The following TRAK1 variants were observed in gnomAD, a reference collection of about 807,000 sequenced individuals.
TRAK1 encodes the protein trafficking kinesin-binding protein 1.
Under a neutral mutation model 92.1 loss-of-function variants are expected in TRAK1, and 33 were observed. That is an observed-to-expected ratio of 0.36 (90% CI 0.27 to 0.48). TRAK1 has a LOEUF of 0.48. Among genes scored for constraint, TRAK1 ranks in the 20% least tolerant of loss-of-function variants. TRAK1 has a pLI of 0.99. For missense variants in TRAK1, 1,123 were observed against 1,257.9 expected (o/e 0.89, Z 1.62); for synonymous variants, 521 against 517.3 (o/e 1.01, Z -0.10).
intron 7 of TRAK1, among the ~76,000 whole-genome samples, chr3:42,192,555 G>T (rs1423012103): frequency 1.3e-5 from 2 of 152,056 alleles, no homozygotes; most frequent in Non-Finnish European, 2.9e-5. Flanking sequence ...AAATAATGAT[G>T]AAACACACCT....
Position 42,223,071 on chromosome 3 carries a change from C to T in TRAK1, c.2196C>T (p.Thr732=). The T allele has an allele frequency of 6.2e-7, 1 of 1,614,132 alleles. No homozygotes were observed. The highest frequency in any genetic ancestry group is 8.5e-7 in the Non-Finnish European group (1 of 1,180,018). ...TCACTAACACCCGTGAGTCCACGAC[C>T]ACCATGAGCACATCCCTGGGGCTCG... is the stretch of plus-strand genomic sequence containing the variant. The part of the protein sequence containing the change: ...ESFTNTREST[T]TMSTSLGLVW... Residue 732 remains threonine (T), a synonymous_variant, in exon 16 of 16, where the codon ACC becomes ACT. Coordinates refer to ENST00000327628, the MANE Select transcript of TRAK1 (RefSeq NM_001042646.3). The surrounding 1 kb of genome is among the most constrained non-coding windows in gnomAD (Gnocchi z 6.1).
At chr3:42,052,182 G>A (rs941449287) in intron 1 of TRAK1, among the ~76,000 whole-genome samples, 3 of 152,238 alleles carry the variant, frequency 2.0e-5, no homozygotes, top group Non-Finnish European at 4.4e-5. Flanking sequence ...AGTCCATTGT[G>A]TCATATCTTA....
At chr3:42,100,204 A>C (rs1285669854) in intron 1 of TRAK1, among the ~76,000 whole-genome samples, 1 of 152,100 alleles carries the variant, frequency 6.6e-6, no homozygotes, top group Non-Finnish European at 1.5e-5. Context: ...CCATCTCTAC[A>C]AAAAATACAA....
chr3:42,153,109 A>G (rs66584841), intron 2 of TRAK1, among the ~76,000 whole-genome samples: 15,639 of 152,236 alleles, frequency 0.1, 1,040 homozygotes, highest in Non-Finnish European at 0.15. Context: ...AATCTTTGAA[A>G]AGGCTAATGG....
At chr3:42,209,373 G>A (rs1708700942) in intron 13 of TRAK1, among the ~76,000 whole-genome samples, 2 of 152,086 alleles carry the variant, frequency 1.3e-5, no homozygotes, top group Admixed American at 1.3e-4. Flanking sequence ...CGTACATGTG[G>A]CCCCGCTTTT....
chr3:42,089,676 C>CCG (rs1553711837), upstream of TRAK1, among the ~76,000 whole-genome samples: 10 of 30,578 alleles, frequency 3.3e-4, 1 homozygote, highest in South Asian at 1.7e-3. Flanking sequence ...CTTTTTGTGA[C>CCG]CCCCCCCCAA....
In TRAK1 at chr3:42,057,440, G is replaced by A. The variant is rs148844295; in HGVS notation, c.-518-29664G>A. Among the ~76,000 whole-genome samples the A allele has an allele frequency of 2.5e-3, 387 of 152,260 alleles. 1 individual carries two copies. Among genetic ancestry groups the A allele is most frequent in the African/African-American group, 8.8e-3 (365 of 41,552 alleles). On this transcript the variant is annotated intron_variant, in intron 1 of 16. Transcript: ENST00000487159. ...CTTTCTTCTTTCCTAATAGAATCCA[G>A]ATTTCATTCCATTCTTAAGCCTCCT... is the stretch of plus-strand genomic sequence containing the variant.
intron 1 of TRAK1, among the ~76,000 whole-genome samples, chr3:42,067,906 T>A (rs940687797): frequency 7.2e-5 from 11 of 152,054 alleles, no homozygotes; most frequent in African/African-American, 2.4e-4. Flanking sequence ...GCGCAGTGGG[T>A]CACTCCTGTA....
At chr3:42,138,875 G>GC (rs11386056) in intron 2 of TRAK1, among the ~76,000 whole-genome samples, 1 of 101,436 alleles carries the variant, frequency 9.9e-6, no homozygotes, top group Non-Finnish European at 1.8e-5. Context: ...AAAGCATAGG[G>GC]GGTGTGTGTG....
chr3:42,104,949 CTTT>C (rs34326359), intron 1 of TRAK1, among the ~76,000 whole-genome samples: 486 of 130,746 alleles, frequency 3.7e-3, no homozygotes, highest in African/African-American at 6.3e-3. Context: ...AGCTAAAAAT[CTTT>C]TTTTTTTTTT....
intron 1 of TRAK1, among the ~76,000 whole-genome samples, chr3:42,076,979 C>T (rs1704189891): frequency 6.6e-6 from 1 of 152,134 alleles, no homozygotes; most frequent in Non-Finnish European, 1.5e-5. Flanking sequence ...TAACCTGTTC[C>T]ATTGATTTAT....
At chr3:42,014,056 C>T (rs1308684810) in exon 1 of TRAK1, 1 of 148,862 alleles carries the variant, frequency 6.7e-6, no homozygotes, top group Non-Finnish European at 1.5e-5. Context: ...CGGAGGAAGC[C>T]CCCACCGAGG....
At chr3:42,081,179 G>C (rs999060704) in intron 1 of TRAK1, among the ~76,000 whole-genome samples, 1 of 152,124 alleles carries the variant, frequency 6.6e-6, no homozygotes, top group African/African-American at 2.4e-5. Flanking sequence ...CCTGGCCACT[G>C]TGAGCCACAT....
At chr3:42,199,281 G>C in intron 11 of TRAK1, 28 bp downstream of exon 11, 9 of 1,612,500 alleles carry the variant, frequency 5.6e-6, no homozygotes, top group Non-Finnish European at 7.6e-6. Context: ...ACAGTTTTGA[G>C]ATTCCCAGAG....
chr3:42,108,047 T>A (rs970510468), intron 1 of TRAK1, among the ~76,000 whole-genome samples: 1 of 152,070 alleles, frequency 6.6e-6, no homozygotes, highest in Admixed American at 6.6e-5. Flanking sequence ...TTTTATCTCA[T>A]TGGCCAACAC....
At chr3:42,017,344 A>G (rs924126455) in intron 1 of TRAK1, among the ~76,000 whole-genome samples, 8 of 152,226 alleles carry the variant, frequency 5.3e-5, no homozygotes, top group African/African-American at 1.7e-4. Context: ...TTTGTAGGGA[A>G]AGACAAGAGG....
intron 4 of TRAK1, among the ~76,000 whole-genome samples, chr3:42,186,566 A>G (rs572307766): frequency 6.6e-6 from 1 of 152,226 alleles, no homozygotes; most frequent in Non-Finnish European, 1.5e-5. Context: ...ATTCCCTCTC[A>G]TGTGACTGGT....
Position 42,067,518 on chromosome 3 carries a change from G to A in TRAK1, c.-518-19586G>A, listed in dbSNP as rs150915837. On this transcript the variant is annotated intron_variant, in intron 1 of 16. Transcript: ENST00000487159. ...TCAGTGCACATTGAGAAGCTAATAT[G>A]GAAATAGAAATGAAACTTTTCAAAA... is the stretch of plus-strand genomic sequence containing the variant. Among the ~76,000 whole-genome samples the A allele has an allele frequency of 2.5e-3, 377 of 152,130 alleles. 3 individuals carry two copies. Among genetic ancestry groups the A allele is most frequent in the African/African-American group, 8.6e-3 (356 of 41,508 alleles).
intron 14 of TRAK1, among the ~76,000 whole-genome samples, chr3:42,212,996 C>T (rs1393423283): frequency 6.6e-6 from 1 of 151,298 alleles, no homozygotes; most frequent in African/African-American, 2.4e-5. Flanking sequence ...ATCATGGCAT[C>T]TTGACATCTT....
Sources: allele counts gnomAD v4.1 joint callset (sites outside exome capture counted in the v4.1 genomes callset), GRCh38; gene constraint gnomAD v4.1.1; non-coding constraint Gnocchi (gnomAD v3.1); transcripts MANE v1.5; gene names NCBI Gene and HGNC (gene_info 2026-07-23, HGNC 2026-07-21).